PKHD1L1: variants seen among roughly 807,000 people sequenced by gnomAD.
The protein encoded by PKHD1L1 is PKHD1 like 1.
PKHD1L1 carries 434 observed loss-of-function variants against 462.9 expected under a neutral mutation model. That is an observed-to-expected ratio of 0.94 (90% confidence interval 0.87 to 1.02). PKHD1L1 has a LOEUF of 1.02. Ranked by LOEUF, PKHD1L1 falls within the 50% of genes least tolerant of loss-of-function variation. The probability of loss-of-function intolerance (pLI) is 0.00; values close to 1 mark genes in which losing one functional copy is unlikely to be tolerated. For synonymous variants in PKHD1L1, 1,781 were observed against 1,750.0 expected, an observed-to-expected ratio of 1.02 and a Z score of -0.44; for missense variants, 5,202 against 5,096.1, an observed-to-expected ratio of 1.02 and a Z score of -0.63.
In PKHD1L1 at chr8:109,530,883, T is replaced by C. The variant is rs1230329781; in HGVS notation, c.*793T>C. The stretch of plus-strand genomic sequence containing the variant: ...GGATGCTTATTCACTGTTTACTGGA[T>C]GAATGAAGTATAAAGTGTGGGAAGT... On this transcript the variant is annotated 3_prime_UTR_variant, in exon 78 of 78. Coordinates refer to ENST00000378402, the MANE Select transcript of PKHD1L1 (RefSeq NM_177531.6). Among the ~76,000 whole-genome samples the C allele has an allele frequency of 6.6e-6, 1 of 152,144 alleles. No homozygotes were observed.
At chr8:109,429,664 T>C (rs1039862285) in intron 26 of PKHD1L1, among the ~76,000 whole-genome samples, 7 of 152,206 alleles carry the variant, frequency 4.6e-5, no homozygotes, top group Admixed American at 3.9e-4. Context: ...TAGATTTTTT[T>C]AGCTCTACTA....
At chr8:109,499,554 A>G (rs1379683793) in intron 67 of PKHD1L1, among the ~76,000 whole-genome samples, 2 of 152,244 alleles carry the variant, frequency 1.3e-5, no homozygotes, top group African/African-American at 4.8e-5. Flanking sequence ...TTTAATAAAT[A>G]ATATGCTCCA....
intron 23 of PKHD1L1, 50 bp downstream of exon 23, chr8:109,420,740 A>G (rs780459604): frequency 6.7e-6 from 9 of 1,342,344 alleles, no homozygotes; most frequent in Non-Finnish European, 9.0e-6. Context: ...TTTATTTTTA[A>G]TTTTTTTAAA....
intron 44 of PKHD1L1, 49 bp downstream of exon 44, chr8:109,454,295 A>AT (rs745361326): frequency 7.9e-7 from 1 of 1,271,454 alleles, no homozygotes; most frequent in Non-Finnish European, 1.1e-6. Context: ...GTCTCCATTC[A>AT]TTTTTTTAAA....
chr8:109,447,547 T>C (rs1231867498), intron 38 of PKHD1L1, among the ~76,000 whole-genome samples: 1 of 152,228 alleles, frequency 6.6e-6, no homozygotes, highest in Non-Finnish European at 1.5e-5. Context: ...AGCCAGAATC[T>C]AATTATTTGT....
chr8:109,489,262 GTGCC>G (rs1163325838), intron 59 of PKHD1L1, among the ~76,000 whole-genome samples: 1 of 151,694 alleles, frequency 6.6e-6, no homozygotes, highest in Non-Finnish European at 1.5e-5. Context: ...ATGAGTTCCT[GTGCC>G]TCAGTTTTTT....
intron 72 of PKHD1L1, among the ~76,000 whole-genome samples, chr8:109,515,814 G>A (rs928829742): frequency 5.3e-5 from 8 of 152,100 alleles, no homozygotes; most frequent in Non-Finnish European, 7.4e-5. Context: ...TTCATTGACC[G>A]ATATTTGTAA....
At chr8:109,390,625 A>T in intron 9 of PKHD1L1, 131 bp downstream of exon 9, 1 of 451,524 alleles carries the variant, frequency 2.2e-6, no homozygotes, top group South Asian at 6.2e-5. Context: ...ATTAACAGTT[A>T]AAGAGTCTGT....
intron 35 of PKHD1L1, among the ~76,000 whole-genome samples, chr8:109,442,744 T>G (rs1815872037): frequency 6.6e-6 from 1 of 152,230 alleles, no homozygotes. Flanking sequence ...GAACTTGTTT[T>G]CATGGAATGT....
chr8:109,466,715 C>T lies in PKHD1L1; in HGVS notation c.8551C>T (p.Gln2851Ter). The change falls in exon 50 of 78, where the codon CAG (glutamine) becomes TAG (stop). Residue 2851 changes from glutamine to a stop codon, truncating the protein, a stop_gained. Transcript: ENST00000378402. LOFTEE classifies it high-confidence loss of function. ...CAGCTTTCACCGTTTAGCGTTCAACCAGCCTTCTCCAGTATCTCTGCTTGA... is the reference window on the plus strand; with the variant it reads ...CAGCTTTCACCGTTTAGCGTTCAACTAGCCTTCTCCAGTATCTCTGCTTGA... ...SVSFHRLAFNQPSPVSLLEKD... is the reference protein window; with the variant it reads ...SVSFHRLAFN 2 of 1,612,958 alleles carry T rather than the reference C, an allele frequency of 1.2e-6. No homozygotes were observed. Among genetic ancestry groups the T allele is most frequent in the Non-Finnish European group, 1.7e-6 (2 of 1,179,514 alleles).
intron 2 of PKHD1L1, among the ~76,000 whole-genome samples, chr8:109,379,503 T>A (rs559991084): frequency 4.7e-4 from 72 of 152,318 alleles, no homozygotes; most frequent in Non-Finnish European, 8.2e-4. Flanking sequence ...GGCCAAGATG[T>A]GAACTTGGGG....
intron 40 of PKHD1L1, 55 bp downstream of exon 40, chr8:109,449,542 G>GATC (rs1816366474): frequency 7.0e-7 from 1 of 1,437,306 alleles, no homozygotes. Context: ...ATTTTATAAA[G>GATC]ATCAGTTAAT....
chr8:109,371,980 G>A (rs376643419), intron 2 of PKHD1L1, among the ~76,000 whole-genome samples: 24 of 151,980 alleles, frequency 1.6e-4, no homozygotes, highest in East Asian at 1.2e-3. Flanking sequence ...TTGACTTGGC[G>A]ATGCAGGCTC....
intron 25 of PKHD1L1, 148 bp downstream of exon 25, chr8:109,427,304 A>G: frequency 1.5e-6 from 1 of 670,888 alleles, no homozygotes; most frequent in Non-Finnish European, 2.5e-6. Context: ...GTTAAGGAGA[A>G]GGTTTTTTTC....
At chr8:109,421,682 G>T (rs966529696) in intron 23 of PKHD1L1, among the ~76,000 whole-genome samples, 1 of 152,174 alleles carries the variant, frequency 6.6e-6, no homozygotes, top group African/African-American at 2.4e-5. Flanking sequence ...TCCTTCCGAG[G>T]CTGAGGCAGG....
chr8:109,384,270 G>T (rs1812318794), intron 5 of PKHD1L1, 143 bp downstream of exon 5: 1 of 684,916 alleles, frequency 1.5e-6, no homozygotes, highest in East Asian at 2.9e-5. Flanking sequence ...CAGGCGCGGT[G>T]GCTCATGCCT....
In PKHD1L1 at chr8:109,531,646, G is replaced by A. The variant is rs539071133; in HGVS notation, c.*1556G>A. Among the ~76,000 whole-genome samples the A allele has an allele frequency of 3.3e-4, 51 of 152,296 alleles. No homozygotes were observed. The highest frequency in any genetic ancestry group is 2.8e-3 in the Admixed American group (43 of 15,288). ...GCTACAGAAAAAATTCAAATGAACAGCTGGAATGGAAATAGTCACAATTTT... is the reference window on the plus strand; with the variant it reads ...GCTACAGAAAAAATTCAAATGAACAACTGGAATGGAAATAGTCACAATTTT... On this transcript the variant is annotated 3_prime_UTR_variant, in exon 78 of 78. Transcript: ENST00000378402.
chr8:109,395,918 C>T (rs1383995247), intron 10 of PKHD1L1, 109 bp from the exon 11 acceptor site: 2 of 669,704 alleles, frequency 3.0e-6, no homozygotes, highest in Admixed American at 4.9e-5. Flanking sequence ...TGGTAATCTA[C>T]TACCTGTGTT....
chr8:109,461,217 C>G (rs1817106029), intron 47 of PKHD1L1, among the ~76,000 whole-genome samples: 1 of 152,068 alleles, frequency 6.6e-6, no homozygotes, highest in Non-Finnish European at 1.5e-5. Context: ...AAATAATAGT[C>G]TTTTCTTCAA....
Sources: gnomAD v4.1 joint callset for allele counts (sites outside exome capture counted in the v4.1 genomes callset) on GRCh38, gnomAD v4.1.1 for gene constraint, MANE v1.5 for transcripts, NCBI Gene and HGNC (gene_info 2026-07-23, HGNC 2026-07-21) for gene names.